The following LHFPL6 variants were observed in gnomAD, a reference collection of about 807,000 sequenced individuals.
LHFPL6 encodes LHFPL tetraspan subfamily member 6 protein.
In LHFPL6, 9 loss-of-function variants were observed where a neutral mutation model predicts 20.6. The ratio of observed to expected loss-of-function variants is 0.44; its 90% CI spans 0.26 to 0.76. The LOEUF (loss-of-function observed/expected upper bound fraction) is 0.76. LHFPL6 is among the 30% of genes least tolerant of loss of function. The pLI is 0.20. For synonymous variants in LHFPL6, 105 were observed against 98.7 expected (o/e 1.06, Z -0.38); for missense variants, 218 against 253.5 (o/e 0.86, Z 0.95).
intron 2 of LHFPL6, among the ~76,000 whole-genome samples, chr13:39,517,659 A>C (rs1307163715): frequency 6.6e-6 from 1 of 152,128 alleles, no homozygotes; most frequent in East Asian, 1.9e-4. Flanking sequence ...TGTCTGAGAC[A>C]GTTTCCATGT....
intron 3 of LHFPL6, among the ~76,000 whole-genome samples, chr13:39,365,299 C>T (rs144275878): frequency 4.6e-5 from 7 of 152,102 alleles, no homozygotes; most frequent in Non-Finnish European, 7.3e-5. Context: ...CTGTCTGTAC[C>T]GGTCATACTA....
intron 2 of LHFPL6, among the ~76,000 whole-genome samples, chr13:39,532,684 CTAGACTAG>C (rs1451044690): frequency 6.6e-6 from 1 of 152,062 alleles, no homozygotes; most frequent in Admixed American, 6.6e-5. Flanking sequence ...AGAATGTTTT[CTAGACTAG>C]TAAAATACAA....
At chr13:39,437,628 G>A (rs1318820094) in intron 2 of LHFPL6, among the ~76,000 whole-genome samples, 2 of 152,172 alleles carry the variant, frequency 1.3e-5, no homozygotes, top group Non-Finnish European at 2.9e-5. Flanking sequence ...AATAGGCCAG[G>A]CGCGGTGGCT....
At chr13:39,437,303 T>C (rs1463877623) in intron 2 of LHFPL6, among the ~76,000 whole-genome samples, 2 of 152,164 alleles carry the variant, frequency 1.3e-5, no homozygotes, top group South Asian at 2.1e-4. Context: ...GATTGGATCA[T>C]GGGGGCAGTT....
At chr13:39,432,129 A>G (rs1179084141) in intron 2 of LHFPL6, among the ~76,000 whole-genome samples, 5 of 152,180 alleles carry the variant, frequency 3.3e-5, no homozygotes, top group African/African-American at 1.2e-4. Context: ...AGTCTGTACC[A>G]GACACCTAAC....
chr13:39,357,673 G>T (rs7322148), intron 3 of LHFPL6, among the ~76,000 whole-genome samples: 1 of 151,992 alleles, frequency 6.6e-6, no homozygotes, highest in African/African-American at 2.4e-5. Context: ...AATCAATGCA[G>T]AAAAATCAGT....
rs772534259 is a variant in LHFPL6, at chr13:39,378,502, G to A, written c.410C>T (p.Ala137Val). 1 of 1,613,850 alleles carries A rather than the reference G, an allele frequency of 6.2e-7. No homozygotes were observed. The highest frequency in any genetic ancestry group is 8.5e-7 in the Non-Finnish European group (1 of 1,179,894). The change falls in exon 3 of 4, where the codon GCC (alanine) becomes GTC (valine). Residue 137 changes from alanine to valine, a missense_variant. Ala to Val is a moderately conservative substitution (Grantham distance 64). Transcript: ENST00000379589. ...LGGLLIGAGC[A>V]LYPLGWDSEE... ...ACTGTCCCAGCCCAAGGGGTAGAGG[G>A]CACAGCCAGCACCAATCAACAAGCC...
chr13:39,358,467 T>G (rs1437734725), intron 3 of LHFPL6, among the ~76,000 whole-genome samples: 1 of 152,122 alleles, frequency 6.6e-6, no homozygotes, highest in Non-Finnish European at 1.5e-5. Context: ...TGAACACCCT[T>G]TCAACATAGG....
In LHFPL6 at chr13:39,508,026, CT is replaced by C. The variant is rs796622913; in HGVS notation, c.385+92805del. On this transcript the variant is annotated intron_variant, in intron 2 of 3. Coordinates refer to ENST00000379589, the MANE Select transcript of LHFPL6 (RefSeq NM_005780.3). ...AATAGTGTTATTAAGTTGTAATTTA[CT>C]TTTTTTTTTTTGAGGCAGAGTCACG... Among the ~76,000 whole-genome samples, 941 of 132,652 alleles carry C rather than the reference CT, an allele frequency of 7.1e-3. 4 individuals carry two copies. The highest frequency in any genetic ancestry group is 0.021 in the African/African-American group (775 of 36,618). 87.0% of individuals were successfully genotyped at this position (132,652 alleles called of 152,430 possible).
intron 2 of LHFPL6, among the ~76,000 whole-genome samples, chr13:39,435,691 T>C (rs1871940298): frequency 6.6e-6 from 1 of 152,190 alleles, no homozygotes; most frequent in Non-Finnish European, 1.5e-5. Flanking sequence ...GGATTCCACA[T>C]TTCCACCAAC....
chr13:39,569,405 T>C (rs888255973), intron 2 of LHFPL6, among the ~76,000 whole-genome samples: 31 of 152,166 alleles, frequency 2.0e-4, no homozygotes, highest in African/African-American at 7.5e-4. Context: ...AACCCATCAA[T>C]CTATTGGTCT....
At chr13:39,531,222 C>A (rs748285419) in intron 2 of LHFPL6, among the ~76,000 whole-genome samples, 1 of 152,132 alleles carries the variant, frequency 6.6e-6, no homozygotes, top group East Asian at 1.9e-4. Flanking sequence ...GTAGACCATA[C>A]CCTAGTGACA....
intron 2 of LHFPL6, among the ~76,000 whole-genome samples, chr13:39,423,004 C>T (rs148208377): frequency 1.1e-3 from 162 of 152,236 alleles, no homozygotes; most frequent in African/African-American, 3.2e-3. Flanking sequence ...CTCACTATCA[C>T]GAGAACAGCA....
At chr13:39,358,649 A>T (rs2138343000) in intron 3 of LHFPL6, among the ~76,000 whole-genome samples, 1 of 152,334 alleles carries the variant, frequency 6.6e-6, no homozygotes, top group Non-Finnish European at 1.5e-5. Context: ...CATCTGACAA[A>T]GGCCTAATAT....
chr13:39,493,755 T>G (rs1869008707), intron 2 of LHFPL6, among the ~76,000 whole-genome samples: 1 of 152,204 alleles, frequency 6.6e-6, no homozygotes, highest in African/African-American at 2.4e-5. Context: ...AGTGTCCTGG[T>G]TAAGAACACA....
At chr13:39,358,602 C>G in intron 3 of LHFPL6, among the ~76,000 whole-genome samples, 1 of 151,660 alleles carries the variant, frequency 6.6e-6, no homozygotes, top group East Asian at 1.9e-4. Context: ...AGTAAACAGA[C>G]AGCCTACAGA....
At chr13:39,361,435 A>G (rs575208802) in intron 3 of LHFPL6, among the ~76,000 whole-genome samples, 5 of 152,100 alleles carry the variant, frequency 3.3e-5, no homozygotes, top group Non-Finnish European at 5.9e-5. Flanking sequence ...CTCCTGCCTC[A>G]GTGTCCCAAG....
In LHFPL6 at chr13:39,601,259, G is replaced by A. The variant is rs199930326; in HGVS notation, c.-43C>T. On this transcript the variant is annotated 5_prime_UTR_variant, in exon 2 of 4. Coordinates refer to ENST00000379589, the MANE Select transcript of LHFPL6 (RefSeq NM_005780.3). The stretch of plus-strand genomic sequence containing the variant: ...AATGAGGACCCCAAGTAAGTGTTCA[G>A]GGACTGCAGGAGTGAATGAAGGTGT... 9.9e-5 allele frequency: 154 copies of A among 1,560,060 alleles called. No homozygotes were observed. In the East Asian group the frequency reaches 3.4e-3, roughly 35 times the overall value.
intron 2 of LHFPL6, among the ~76,000 whole-genome samples, chr13:39,595,306 C>G (rs1872738114): frequency 6.6e-6 from 1 of 152,052 alleles, no homozygotes; most frequent in Admixed American, 6.6e-5. Context: ...TCCTTTCTTT[C>G]CTTTTTTTTG....
Sources: allele counts gnomAD v4.1 joint callset (sites outside exome capture counted in the v4.1 genomes callset), GRCh38; gene constraint gnomAD v4.1.1; transcripts MANE v1.5; gene names NCBI Gene and HGNC (gene_info 2026-07-23, HGNC 2026-07-21).